The following CELSR1 variants were observed in gnomAD, a reference collection of about 807,000 sequenced individuals.
The protein encoded by CELSR1 is cadherin EGF LAG seven-pass G-type receptor 1.
A neutral mutation model predicts 249.1 loss-of-function variants in CELSR1; 110 were observed. That is an observed-to-expected ratio of 0.44 (90% confidence interval 0.38 to 0.52). The LOEUF (loss-of-function observed/expected upper bound fraction) is 0.52. Ranked by LOEUF, CELSR1 falls within the 20% of genes least tolerant of loss-of-function variation. CELSR1 has a pLI of 0.00. For missense variants in CELSR1, 4,109 were observed against 4,296.4 expected (o/e 0.96, Z 1.22); for synonymous variants, 2,113 against 1,900.0 (o/e 1.11, Z -2.92).
intron 25 of CELSR1, chr22:46,370,242 A>G (rs1369560594): frequency 9.2e-6 from 4 of 434,236 alleles, no homozygotes; most frequent in Non-Finnish European, 9.3e-6. Flanking sequence ...CGTCACCTAC[A>G]GGGCCATATG....
intron 25 of CELSR1, 108 bp downstream of exon 25, chr22:46,372,775 A>T: frequency 2.2e-6 from 3 of 1,380,180 alleles, no homozygotes; most frequent in Non-Finnish European, 2.9e-6. Context: ...TGGGGGCTGG[A>T]CAAGCATTGG....
chr22:46,394,316 A>G (rs1369697486), intron 13 of CELSR1, 54 bp from the exon 14 acceptor site: 19 of 1,574,482 alleles, frequency 1.2e-5, no homozygotes, highest in Non-Finnish European at 1.5e-5. Flanking sequence ...TGCTTTCTGG[A>G]ATGAGAAGAG....
In CELSR1 at chr22:46,363,570, G is replaced by A. The variant is rs2147148584; in HGVS notation, c.9036-323C>T. ...CTTCTCCCTTGTGAGTTTGGAGGGAGGGAGGGGCGACAGGGAGAGGTCTGG... is the reference window on the plus strand; with the variant it reads ...CTTCTCCCTTGTGAGTTTGGAGGGAAGGAGGGGCGACAGGGAGAGGTCTGG... On this transcript the variant is annotated intron_variant, in intron 34 of 34. Coordinates refer to ENST00000674500, the MANE Select transcript of CELSR1 (RefSeq NM_001378328.1). This position sits in a 1 kb window ranked among gnomAD's most constrained non-coding sequence, Gnocchi z 4.3. 1 of 350,878 alleles carries A rather than the reference G, an allele frequency of 2.8e-6. No homozygotes were observed. Among genetic ancestry groups the A allele is most frequent in the East Asian group, 5.6e-5 (1 of 17,906 alleles). 21.7% of individuals were successfully genotyped at this position (350,878 alleles called of 1,614,324 possible). A position where few individuals can be genotyped will look rare whatever the true frequency, so the allele number is the denominator to read the frequency against.
intron 5 of CELSR1, among the ~76,000 whole-genome samples, chr22:46,426,579 A>T (rs903275286): frequency 2.6e-5 from 4 of 152,072 alleles, no homozygotes; most frequent in African/African-American, 4.8e-5. Context: ...ACTTCCTAAT[A>T]CTATCACCTT....
Position 46,428,580 on chromosome 22 carries a change from A to G in CELSR1, c.4611+4813T>C, listed in dbSNP as rs2079561022. ...AATGATGAAGACCTCTTGGTTGTCA[A>G]AACCGGGTTAGGGGAACAGCTGGAG... On this transcript the variant is annotated intron_variant, in intron 5 of 34. Coordinates refer to ENST00000674500, the MANE Select transcript of CELSR1 (RefSeq NM_001378328.1). This position sits in a 1 kb window ranked among gnomAD's most constrained non-coding sequence, Gnocchi z 5.7. Among the ~76,000 whole-genome samples, 1 of 152,218 alleles carries G rather than the reference A, an allele frequency of 6.6e-6. No homozygotes were observed. Among genetic ancestry groups the G allele is most frequent in the South Asian group, 2.1e-4 (1 of 4,830 alleles).
chr22:46,465,530 GC>G (rs1345257273), intron 1 of CELSR1, among the ~76,000 whole-genome samples: 1 of 152,182 alleles, frequency 6.6e-6, no homozygotes, highest in Non-Finnish European at 1.5e-5. Context: ...GGGTGATGAG[GC>G]CCAGAGGCCA....
In CELSR1 at chr22:46,391,686, T is replaced by G; in HGVS notation, c.6095A>C (p.Gln2032Pro). ...CACKPGVIGR[Q>P]CNRCDNPFAE... ...AAACGGGTTGTCGCAGCGGTTGCAC[T>G]GGCGGCCGATGACGCCGGGCTTGCA... is the stretch of plus-strand genomic sequence containing the variant. Residue 2032 changes from glutamine to proline, a missense_variant, in exon 15 of 35, where the codon CAG becomes CCG. Gln to Pro is a moderately conservative substitution (Grantham distance 76). Around this residue, in one of 7 missense-constraint regions of CELSR1, gnomAD observed 1,805 missense variants for 1,831.6 expected, o/e 0.99. Transcript: ENST00000674500. The surrounding 1 kb of genome is among the most constrained non-coding windows in gnomAD (Gnocchi z 4.3). The G allele has an allele frequency of 2.5e-6, 4 of 1,609,592 alleles. No individual in the cohort carries two copies. The highest frequency in any genetic ancestry group is 3.4e-6 in the Non-Finnish European group (4 of 1,179,348).
In CELSR1 at chr22:46,468,258, T is replaced by G. The variant is rs144910396; in HGVS notation, c.3545-3913A>C. The stretch of plus-strand genomic sequence containing the variant: ...AAAATTAGCTGGGCGTGGTGGTGCA[T>G]GCCTGTAATCTTAGCTACTCGGGAG... On this transcript the variant is annotated intron_variant, in intron 1 of 34. Coordinates refer to ENST00000674500, the MANE Select transcript of CELSR1 (RefSeq NM_001378328.1). The surrounding 1 kb of genome is among the most constrained non-coding windows in gnomAD (Gnocchi z 4.5). 6.6e-6 allele frequency among the ~76,000 whole-genome samples: 1 copy of G among 151,728 alleles called. No individual in the cohort carries two copies. Among genetic ancestry groups the G allele is most frequent in the African/African-American group, 2.4e-5 (1 of 41,258 alleles).
chr22:46,528,743 A>G (rs1371832679), intron 1 of CELSR1, among the ~76,000 whole-genome samples: 2 of 151,674 alleles, frequency 1.3e-5, no homozygotes, highest in Non-Finnish European at 2.9e-5. Flanking sequence ...CCTGGTTAAC[A>G]CGGTGAAACC....
In CELSR1 at chr22:46,369,481, G is replaced by T. The variant is rs576718380; in HGVS notation, c.7872+211C>A. On this transcript the variant is annotated intron_variant, in intron 26 of 34. Transcript: ENST00000674500. ...ACCCTCCTGGGTGCTGGACGCAGAT[G>T]GTCTCATGCGGACACGACGCGAGAC... is the stretch of plus-strand genomic sequence containing the variant. Among the ~76,000 whole-genome samples, 9 of 152,328 alleles carry T rather than the reference G, an allele frequency of 5.9e-5. No individual in the cohort carries two copies. In the Middle Eastern group the frequency reaches 0.01, roughly 173 times the overall value.
rs991772648 is a variant in CELSR1, at chr22:46,434,868, G to A, written c.4522+1306C>T. Among the ~76,000 whole-genome samples the A allele has an allele frequency of 2.2e-4, 34 of 152,184 alleles. No homozygotes were observed. The highest frequency in any genetic ancestry group is 7.9e-4 in the African/African-American group (33 of 41,528). On this transcript the variant is annotated intron_variant, in intron 4 of 34. Coordinates refer to ENST00000674500, the MANE Select transcript of CELSR1 (RefSeq NM_001378328.1). The surrounding 1 kb of genome is among the most constrained non-coding windows in gnomAD (Gnocchi z 4.9). The stretch of plus-strand genomic sequence containing the variant: ...AAAAATTAGCCGGGCATGGTGAAAC[G>A]TGCCTGTATTCCCAGCTACTGGAGA...
chr22:46,469,297 C>T (rs2080129323), intron 1 of CELSR1, among the ~76,000 whole-genome samples: 1 of 152,140 alleles, frequency 6.6e-6, no homozygotes, highest in South Asian at 2.1e-4. Flanking sequence ...CTGTGGTCTG[C>T]GTGATCTGTC....
chr22:46,380,312 T>C lies in CELSR1; in HGVS notation c.7256+476A>G, dbSNP rs1047991082. 6.6e-5 allele frequency among the ~76,000 whole-genome samples: 10 copies of C among 152,190 alleles called. No homozygotes were observed. Among genetic ancestry groups the C allele is most frequent in the Admixed American group, 3.9e-4 (6 of 15,280 alleles). On this transcript the variant is annotated intron_variant, in intron 22 of 34. Transcript: ENST00000674500. This position sits in a 1 kb window ranked among gnomAD's most constrained non-coding sequence, Gnocchi z 5.1. ...CTGTGCTGCGGCCAGGTGTGGCCTC[T>C]TGGGGGTGAAGCCAGTCCCCACAGC...
At chr22:46,450,874 C>G (rs1300644296) in intron 2 of CELSR1, among the ~76,000 whole-genome samples, 1 of 152,230 alleles carries the variant, frequency 6.6e-6, no homozygotes, top group Non-Finnish European at 1.5e-5. Context: ...CTCTCTTGGG[C>G]CAGGAGCATT....
intron 2 of CELSR1, among the ~76,000 whole-genome samples, chr22:46,449,654 G>C (rs1981564815): frequency 6.6e-6 from 1 of 152,124 alleles, no homozygotes; most frequent in South Asian, 2.1e-4. Context: ...TTCCATCTAG[G>C]TAAAAAAATG....
rs953175271 is a variant in CELSR1, at chr22:46,512,929, C to T, written c.3544+20698G>A. Among the ~76,000 whole-genome samples the T allele has an allele frequency of 3.3e-5, 5 of 152,236 alleles. No homozygotes were observed. Among genetic ancestry groups the T allele is most frequent in the Admixed American group, 2.0e-4 (3 of 15,292 alleles). ...CCGGGTGGCCCCGCATGGCAGGCGA[C>T]GTCCTCCTCCAGGCTGGGCCTCTGT... is the stretch of plus-strand genomic sequence containing the variant. On this transcript the variant is annotated intron_variant, in intron 1 of 34. Coordinates refer to ENST00000674500, the MANE Select transcript of CELSR1 (RefSeq NM_001378328.1). This position sits in a 1 kb window ranked among gnomAD's most constrained non-coding sequence, Gnocchi z 5.2.
intron 5 of CELSR1, among the ~76,000 whole-genome samples, chr22:46,414,062 G>A (rs1040266600): frequency 6.6e-6 from 1 of 152,178 alleles, no homozygotes; most frequent in African/African-American, 2.4e-5. Flanking sequence ...AAAAACAGCA[G>A]GATAAAGAAA....
In CELSR1 at chr22:46,535,212, G is replaced by A. The variant is rs892715979; in HGVS notation, c.1959C>T (p.Tyr653=). ...GGTCCACCGCCTCCACCCCGAAGCT[G>A]TAGTGCTCCACCTCCTCGCGGTCCA... ...AELDREEVEH[Y]SFGVEAVDHG... Residue 653 remains tyrosine (Y), a synonymous_variant, in exon 1 of 35, where the codon TAC becomes TAT. Coordinates refer to ENST00000674500, the MANE Select transcript of CELSR1 (RefSeq NM_001378328.1). The A allele has an allele frequency of 6.2e-7, 1 of 1,609,706 alleles. No individual in the cohort carries two copies. The highest frequency in any genetic ancestry group is 8.5e-7 in the Non-Finnish European group (1 of 1,179,910).
chr22:46,503,419 T>G (rs1419131057), intron 1 of CELSR1, among the ~76,000 whole-genome samples: 1 of 152,146 alleles, frequency 6.6e-6, no homozygotes, highest in African/African-American at 2.4e-5. Flanking sequence ...CTCCCTGCCA[T>G]CCCCATGGTG....
Sources: gnomAD v4.1 joint callset for allele counts (sites outside exome capture counted in the v4.1 genomes callset) on GRCh38, gnomAD v4.1.1 for gene constraint, gnomAD v4.1.1 regional missense constraint, Gnocchi (gnomAD v3.1) non-coding constraint, MANE v1.5 for transcripts, NCBI Gene and HGNC (gene_info 2026-07-23, HGNC 2026-07-21) for gene names.